The following COL5A1 variants were observed in gnomAD, a reference collection of about 807,000 sequenced individuals.
COL5A1 encodes the protein collagen type V alpha 1 chain, also known as collagen alpha-1(V) chain.
Under a neutral mutation model 263.7 loss-of-function variants are expected in COL5A1, and 16 were observed. The ratio of observed to expected loss-of-function variants is 0.06; its 90% CI spans 0.04 to 0.09. The LOEUF (loss-of-function observed/expected upper bound fraction) is 0.09. Among genes scored for constraint, COL5A1 ranks in the 10% least tolerant of loss-of-function variants. The probability of loss-of-function intolerance (pLI) is 1.00; values close to 1 mark genes in which losing one functional copy is unlikely to be tolerated. For missense variants in COL5A1, 2,036 were observed against 2,540.5 expected (o/e 0.80, Z 4.27); for synonymous variants, 1,012 against 1,004.5 (o/e 1.01, Z -0.14).
At position 134,812,818 on chromosome 9, in the gene COL5A1, G is replaced by A. The variant is rs555468216; in HGVS notation, c.3852+106G>A. ...TGTATGTGTATGTGCGCATGCACACGCTTGTGGGGGTGCATACACGTGTGT... is the reference window on the plus strand; with the variant it reads ...TGTATGTGTATGTGCGCATGCACACACTTGTGGGGGTGCATACACGTGTGT... On this transcript the variant is annotated intron_variant, in intron 48 of 65. Transcript: ENST00000371817. 59 of 812,350 alleles carry A rather than the reference G, an allele frequency of 7.3e-5. No homozygotes were observed. The African/African-American group carries it at 8.1e-4, about 11-fold the overall frequency. The allele number at this position is 812,350 out of a possible 1,614,324, so 50.3% of individuals were successfully genotyped here.
At chr9:134,649,529 C>T (rs1254024335) in intron 1 of COL5A1, 1 of 470,890 alleles carries the variant, frequency 2.1e-6, no homozygotes, top group South Asian at 1.6e-5. Context: ...GCTCTTCTGT[C>T]CTTTTCTTCC....
At chr9:134,836,856 C>T (rs1019011314) in intron 65 of COL5A1, among the ~76,000 whole-genome samples, 1 of 152,248 alleles carries the variant, frequency 6.6e-6, no homozygotes, top group Non-Finnish European at 1.5e-5. Context: ...CACCTCTCCT[C>T]CCGGCTGCTA....
chr9:134,744,463 C>A (rs549696983), intron 11 of COL5A1, among the ~76,000 whole-genome samples: 20 of 151,296 alleles, frequency 1.3e-4, no homozygotes, highest in Non-Finnish European at 2.8e-4. Flanking sequence ...ACACACTCAC[C>A]TATACATACA....
At chr9:134,815,441 T>G in intron 50 of COL5A1, 135 bp from the exon 51 acceptor site, 1 of 877,518 alleles carries the variant, frequency 1.1e-6, no homozygotes, top group Non-Finnish European at 1.9e-6. Context: ...GTGCACTGGG[T>G]TGTCGGAACT....
In COL5A1 at chr9:134,789,359, GCAC is replaced by G; in HGVS notation, c.2700+155_2700+157del. 1.4e-6 allele frequency: 1 copy of G among 703,740 alleles called. No homozygotes were observed. The highest frequency in any genetic ancestry group is 2.1e-5 in the Admixed American group (1 of 47,888). 43.6% of individuals were successfully genotyped at this position (703,740 alleles called of 1,614,324 possible). On this transcript the variant is annotated intron_variant, in intron 32 of 65. Transcript: ENST00000371817. The surrounding 1 kb of genome is among the most constrained non-coding windows in gnomAD (Gnocchi z 4.8). ...GCTGGCCTTAAGCTCTTGAACTTCA[GCAC>G]CACGTGTTGGTGACACTCTCCAGAC...
chr9:134,753,795 T>TGCAGG, intron 14 of COL5A1, 55 bp from the exon 15 acceptor site: 1 of 865,664 alleles, frequency 1.2e-6, no homozygotes, highest in Non-Finnish European at 1.8e-6. Flanking sequence ...CAGCCCTTCC[T>TGCAGG]GTGTTCTCGA....
intron 1 of COL5A1, among the ~76,000 whole-genome samples, chr9:134,685,482 ATCCG>A (rs1564386638): frequency 3.2e-3 from 189 of 58,660 alleles, no homozygotes; most frequent in African/African-American, 3.7e-3. Flanking sequence ...CCATCCATCC[ATCCG>A]TCCATCCATC....
intron 54 of COL5A1, 38 bp downstream of exon 54, chr9:134,817,869 C>T: frequency 6.4e-7 from 1 of 1,564,934 alleles, no homozygotes; most frequent in Non-Finnish European, 8.7e-7. Context: ...CCGCGTAGAC[C>T]TCCCCCAGGG....
At position 134,703,285 on chromosome 9, in the gene COL5A1, C is replaced by T. The variant is rs574364858; in HGVS notation, c.654+1952C>T. Among the ~76,000 whole-genome samples, 8 of 152,304 alleles carry T rather than the reference C, an allele frequency of 5.3e-5. No homozygotes were observed. In the South Asian group the frequency reaches 6.2e-4, roughly 12 times the overall value. Reference sequence around the variant, plus strand: ...ACACTTCTGAACAGACCTGCCTAGGCGCCTGGAAGGAACTGCGGGCACAGG... The same window carrying T: ...ACACTTCTGAACAGACCTGCCTAGGTGCCTGGAAGGAACTGCGGGCACAGG... On this transcript the variant is annotated intron_variant, in intron 4 of 65. Transcript: ENST00000371817.
rs56122820 is a variant in COL5A1, at chr9:134,741,802, G to A, written c.1494+2994G>A. On this transcript the variant is annotated intron_variant, in intron 11 of 65. Coordinates refer to ENST00000371817, the MANE Select transcript of COL5A1 (RefSeq NM_000093.5). This position sits in a 1 kb window ranked among gnomAD's most constrained non-coding sequence, Gnocchi z 4.5. The stretch of plus-strand genomic sequence containing the variant: ...TGTCTGGGAGGGCCTTTTCCCTGGG[G>A]TCTGGAAGAGCCCTCTTCTCCCTGC... Among the ~76,000 whole-genome samples, 5,260 of 152,172 alleles carry A rather than the reference G, an allele frequency of 0.035. 111 individuals are homozygous for A. The highest frequency in any genetic ancestry group is 0.044 in the Non-Finnish European group (2,990 of 67,988).
intron 1 of COL5A1, among the ~76,000 whole-genome samples, chr9:134,654,772 T>A (rs1454041849): frequency 7.7e-6 from 1 of 129,200 alleles, no homozygotes; most frequent in Non-Finnish European, 1.6e-5. Flanking sequence ...GGGCTTGTGG[T>A]GTCTAGGGCT....
intron 4 of COL5A1, 86 bp downstream of exon 4, chr9:134,701,419 C>T (rs1002895119): frequency 3.4e-5 from 47 of 1,390,742 alleles, no homozygotes; most frequent in East Asian, 4.9e-5. Context: ...GGAGGCTCCT[C>T]GGGCCGGGAC....
chr9:134,810,381 G>A, intron 44 of COL5A1, 73 bp downstream of exon 44: 1 of 1,424,170 alleles, frequency 7.0e-7, no homozygotes, highest in Non-Finnish European at 9.9e-7. Flanking sequence ...TAGGCCGTGT[G>A]CCATGCACGT....
chr9:134,798,384 C>T lies in COL5A1; in HGVS notation c.2899-24C>T, dbSNP rs772698175. ...TTGCTTCTCAGACACGAATGAACCTCCTTTCCTTTGGTTTTTTCTTCAGGG... is the reference window on the plus strand; with the variant it reads ...TTGCTTCTCAGACACGAATGAACCTTCTTTCCTTTGGTTTTTTCTTCAGGG... On this transcript the variant is annotated intron_variant, in intron 36 of 65. Transcript: ENST00000371817. The T allele has an allele frequency of 7.4e-6, 12 of 1,613,226 alleles. No homozygotes were observed. In the South Asian group the frequency reaches 8.8e-5, roughly 12 times the overall value.
At chr9:134,840,919 A>G (rs1436124210) in intron 65 of COL5A1, among the ~76,000 whole-genome samples, 2 of 152,210 alleles carry the variant, frequency 1.3e-5, no homozygotes, top group Non-Finnish European at 2.9e-5. Flanking sequence ...CATTAAGATC[A>G]TAGTCAGGGA....
chr9:134,774,967 G>T, intron 27 of COL5A1, 55 bp downstream of exon 27: 4 of 1,536,926 alleles, frequency 2.6e-6, no homozygotes, highest in Non-Finnish European at 3.6e-6. Context: ...TTGGGACTGT[G>T]GGCCTTGGCG....
At chr9:134,796,566 G>T (rs1837916730) in intron 35 of COL5A1, 148 bp downstream of exon 35, 1 of 870,450 alleles carries the variant, frequency 1.1e-6, no homozygotes. Flanking sequence ...CCAAGGGTGG[G>T]TCACGCCCTG....
At position 134,818,770 on chromosome 9, in the gene COL5A1, A is replaced by G; in HGVS notation, c.4338+7A>G. The G allele has an allele frequency of 6.2e-7, 1 of 1,612,392 alleles. No individual in the cohort carries two copies. Among genetic ancestry groups the G allele is most frequent in the Non-Finnish European group, 8.5e-7 (1 of 1,179,572 alleles). The stretch of plus-strand genomic sequence containing the variant: ...AGGGATCCCTGGCCCTGTGGTGAGT[A>G]GGCTGTGAGGGGCAGAGGGGTTGCC... On this transcript the variant is annotated splice_region_variant and intron_variant, in intron 55 of 65. Coordinates refer to ENST00000371817, the MANE Select transcript of COL5A1 (RefSeq NM_000093.5). The surrounding 1 kb of genome is among the most constrained non-coding windows in gnomAD (Gnocchi z 6.0).
intron 63 of COL5A1, 139 bp from the exon 64 acceptor site, chr9:134,829,837 G>A: frequency 2.2e-6 from 2 of 921,414 alleles, no homozygotes; most frequent in Non-Finnish European, 3.4e-6. Flanking sequence ...AAGGCGCTCG[G>A]TGGGTCCTCC....
Sources: gnomAD v4.1 joint callset for allele counts (sites outside exome capture counted in the v4.1 genomes callset) on GRCh38, gnomAD v4.1.1 for gene constraint, Gnocchi (gnomAD v3.1) non-coding constraint, MANE v1.5 for transcripts, NCBI Gene and HGNC (gene_info 2026-07-23, HGNC 2026-07-21) for gene names.